MIPOL1: variants seen among roughly 807,000 people sequenced by gnomAD.
MIPOL1 encodes the protein mirror-image polydactyly 1, also known as mirror-image polydactyly gene 1 protein.
MIPOL1 carries 57 observed loss-of-function variants against 60.9 expected under a neutral mutation model. That is an observed-to-expected ratio of 0.94 (90% CI 0.76 to 1.17). The LOEUF is 1.17. Ranked by LOEUF, MIPOL1 falls within the 50% of genes most tolerant of loss-of-function variation. The pLI, the probability that MIPOL1 is intolerant of heterozygous loss-of-function variation, is 0.00. For synonymous variants in MIPOL1, 179 were observed against 168.8 expected, an observed-to-expected ratio of 1.06 and a Z score of -0.47; for missense variants, 551 against 511.6, an observed-to-expected ratio of 1.08 and a Z score of -0.74.
intron 10 of MIPOL1, among the ~76,000 whole-genome samples, chr14:37,394,954 T>A (rs909998169): frequency 6.6e-6 from 1 of 152,174 alleles, no homozygotes; most frequent in East Asian, 1.9e-4. Context: ...AAGTGAGAGA[T>A]AAGAATCCAG....
At position 37,285,349 on chromosome 14, in the gene MIPOL1, G is replaced by A. The variant is rs2084463737; in HGVS notation, c.525G>A (p.Lys175=). ...ALVEEVYFAQ[K]ERDEAVMSRL... ...TTGAAGAAGTGTATTTTGCGCAGAA[G>A]GAACGTGATGAAGCTGTTATGTCTA... Residue 175 remains lysine (K), a synonymous_variant, in exon 7 of 13, where the codon AAG becomes AAA. Transcript: ENST00000684589. 6.2e-7 allele frequency: 1 copy of A among 1,613,874 alleles called. No individual in the cohort carries two copies. Among genetic ancestry groups the A allele is most frequent in the South Asian group, 1.1e-5 (1 of 91,074 alleles).
intron 12 of MIPOL1, among the ~76,000 whole-genome samples, chr14:37,531,761 T>G (rs149821362): frequency 1.9e-4 from 29 of 152,306 alleles, no homozygotes; most frequent in African/African-American, 7.0e-4. Flanking sequence ...AGCACACAGA[T>G]GAGAATTGTT....
At chr14:37,486,614 A>C (rs541323612) in intron 11 of MIPOL1, among the ~76,000 whole-genome samples, 1 of 152,230 alleles carries the variant, frequency 6.6e-6, no homozygotes, top group East Asian at 1.9e-4. Flanking sequence ...GAGTTCACTC[A>C]TGATTTGTCT....
chr14:37,274,116 A>G (rs1462105749), intron 6 of MIPOL1, among the ~76,000 whole-genome samples: 1 of 151,656 alleles, frequency 6.6e-6, no homozygotes, highest in Non-Finnish European at 1.5e-5. Flanking sequence ...TGAGATATAG[A>G]TATTTAATAT....
Position 37,270,519 on chromosome 14 carries a change from A to G in MIPOL1, c.487A>G (p.Thr163Ala), listed in dbSNP as rs367980832. The change falls in exon 6 of 13, where the codon ACA (threonine) becomes GCA (alanine). Residue 163 changes from threonine (T) to alanine (A), a missense_variant. By Grantham distance (58) the Thr-to-Ala change is moderately conservative. Coordinates refer to ENST00000684589, the MANE Select transcript of MIPOL1 (RefSeq NM_001388067.1). ...AACAGAAGCTAAAATTGCTGAAAAG[A>G]CAGCAGGTATAGTAGAGGAGTATTA... ...KETEAKIAEK[T>A]AALVEEVYFA... is the part of the protein sequence containing the mutation. 21 of 1,580,174 alleles carry G rather than the reference A, an allele frequency of 1.3e-5. No individual in the cohort carries two copies. Among genetic ancestry groups the G allele is most frequent in the Non-Finnish European group, 1.6e-5 (19 of 1,156,884 alleles).
At chr14:37,539,228 G>C (rs1343353790) in intron 12 of MIPOL1, among the ~76,000 whole-genome samples, 1 of 152,018 alleles carries the variant, frequency 6.6e-6, no homozygotes, top group Non-Finnish European at 1.5e-5. Flanking sequence ...AAAAAGAACT[G>C]CCCAGCTGAG....
At chr14:37,279,039 C>G (rs1475139061) in intron 6 of MIPOL1, among the ~76,000 whole-genome samples, 1 of 151,048 alleles carries the variant, frequency 6.6e-6, no homozygotes, top group Non-Finnish European at 1.5e-5. Context: ...TGGAGATATC[C>G]AAATATTATT....
intron 11 of MIPOL1, among the ~76,000 whole-genome samples, chr14:37,462,348 G>A (rs966022804): frequency 2.0e-4 from 30 of 152,172 alleles, no homozygotes; most frequent in African/African-American, 7.2e-4. Flanking sequence ...GGACCCTGGG[G>A]CTGGCCCACA....
intron 3 of MIPOL1, among the ~76,000 whole-genome samples, chr14:37,256,999 G>A (rs1297271733): frequency 1.3e-5 from 2 of 151,414 alleles, no homozygotes; most frequent in Non-Finnish European, 2.9e-5. Context: ...AACTAACAAG[G>A]GACTAGTTTA....
chr14:37,223,439 T>G (rs958145800), intron 1 of MIPOL1, among the ~76,000 whole-genome samples: 4 of 152,192 alleles, frequency 2.6e-5, no homozygotes, highest in Admixed American at 1.3e-4. Context: ...TATAGACATA[T>G]GAGGAGTTTC....
At chr14:37,453,832 T>C (rs1378471103) in intron 11 of MIPOL1, among the ~76,000 whole-genome samples, 1 of 152,202 alleles carries the variant, frequency 6.6e-6, no homozygotes, top group African/African-American at 2.4e-5. Context: ...CTTTTATTTA[T>C]TGAAATTATC....
chr14:37,212,747 C>T lies in MIPOL1; in HGVS notation c.-199+14643C>T, dbSNP rs547600417. Among the ~76,000 whole-genome samples the T allele has an allele frequency of 2.6e-5, 4 of 152,266 alleles. No homozygotes were observed. The East Asian group carries it at 7.7e-4, about 29-fold the overall frequency. Reference sequence around the variant, plus strand: ...GTAGGCTGTAGCCAGGGAGTTACTACAGCAGGCTTTGGGCGAGATCTAATG... The same window carrying T: ...GTAGGCTGTAGCCAGGGAGTTACTATAGCAGGCTTTGGGCGAGATCTAATG... On this transcript the variant is annotated intron_variant, in intron 1 of 12. Coordinates refer to ENST00000684589, the MANE Select transcript of MIPOL1 (RefSeq NM_001388067.1).
chr14:37,520,226 G>A (rs77868491), intron 12 of MIPOL1, among the ~76,000 whole-genome samples: 3,114 of 152,142 alleles, frequency 0.02, 57 homozygotes, highest in East Asian at 0.086. Flanking sequence ...GTCTCCCAAA[G>A]GATGTTGCCT....
intron 12 of MIPOL1, chr14:37,501,503 C>T (rs868858638): frequency 7.2e-5 from 11 of 152,224 alleles, no homozygotes; most frequent in South Asian, 4.1e-4. Flanking sequence ...TGTTATCAAC[C>T]TTTTATTTTT....
chr14:37,309,064 C>CTGG (rs1234881571), intron 9 of MIPOL1, among the ~76,000 whole-genome samples: 14 of 151,992 alleles, frequency 9.2e-5, no homozygotes, highest in Non-Finnish European at 1.9e-4. Flanking sequence ...TCTCTCATAC[C>CTGG]AGTTATACCA....
At chr14:37,276,457 T>C (rs1255159434) in intron 6 of MIPOL1, 1 of 151,012 alleles carries the variant, frequency 6.6e-6, no homozygotes, top group Non-Finnish European at 1.5e-5. Context: ...TCTACCATTA[T>C]AGCAAGTATA....
intron 11 of MIPOL1, among the ~76,000 whole-genome samples, chr14:37,482,124 A>G (rs1290464418): frequency 6.6e-6 from 1 of 152,214 alleles, no homozygotes; most frequent in Non-Finnish European, 1.5e-5. Context: ...GAAAACAATT[A>G]ACAGTATGAT....
chr14:37,305,761 T>A (rs1950529), intron 7 of MIPOL1, among the ~76,000 whole-genome samples: 142,988 of 151,642 alleles, frequency 0.94, 67,790 homozygotes, highest in East Asian at 1. Context: ...ATCATTTTTT[T>A]ATTTTAACCA....
intron 9 of MIPOL1, among the ~76,000 whole-genome samples, chr14:37,335,233 G>T (rs1370434495): frequency 1.3e-5 from 2 of 151,782 alleles, no homozygotes; most frequent in African/African-American, 2.4e-5. Flanking sequence ...GTGGTTTTTA[G>T]TTTTTTGTCT....
Sources: gnomAD v4.1 joint callset for allele counts (sites outside exome capture counted in the v4.1 genomes callset) on GRCh38, gnomAD v4.1.1 for gene constraint, MANE v1.5 for transcripts, NCBI Gene and HGNC (gene_info 2026-07-23, HGNC 2026-07-21) for gene names.